The following CCDC81 variants were observed in gnomAD, a reference collection of about 807,000 sequenced individuals.
The protein encoded by CCDC81 is coiled-coil domain-containing protein 81.
CCDC81 carries 79 observed loss-of-function variants against 83.7 expected under a neutral mutation model. The ratio of observed to expected loss-of-function variants is 0.94; its 90% CI spans 0.79 to 1.14. The LOEUF (loss-of-function observed/expected upper bound fraction) is 1.14, where lower values mean the gene tolerates loss of function less well. Ranked by LOEUF, CCDC81 falls within the 50% of genes most tolerant of loss-of-function variation. The pLI is 0.00. For synonymous variants in CCDC81, 252 were observed against 278.1 expected, an observed-to-expected ratio of 0.91 and a Z score of 0.93; for missense variants, 791 against 778.1, an observed-to-expected ratio of 1.02 and a Z score of -0.20.
At chr11:86,402,524 T>C (rs927429517) in intron 7 of CCDC81, among the ~76,000 whole-genome samples, 2 of 151,000 alleles carry the variant, frequency 1.3e-5, no homozygotes, top group African/African-American at 4.9e-5. Context: ...GATATTTAGA[T>C]GGCTTCCAGT....
In CCDC81 at chr11:86,422,618, G is replaced by C. The variant is rs141550907; in HGVS notation, c.1862G>C (p.Arg621Pro). ...LFLLDQCEKY[R>P]RCKQCQRRTS... ...CTCCTAGACCAGTGTGAGAAGTATC[G>C]GCGCTGCAAGCAATGCCAGAGGCGC... is the stretch of plus-strand genomic sequence containing the variant. Residue 621 changes from arginine (R) to proline (P), a missense_variant, in exon 15 of 15, where the codon CGG becomes CCG. Arg to Pro is a moderately radical substitution (Grantham distance 103). Coordinates refer to ENST00000445632, the MANE Select transcript of CCDC81 (RefSeq NM_001156474.2). The C allele has an allele frequency of 5.5e-5, 89 of 1,613,804 alleles. No homozygotes were observed. Among genetic ancestry groups the C allele is most frequent in the Non-Finnish European group, 7.1e-5 (84 of 1,179,902 alleles).
intron 1 of CCDC81, among the ~76,000 whole-genome samples, chr11:86,380,767 C>T (rs1359110802): frequency 1.3e-5 from 2 of 152,138 alleles, no homozygotes; most frequent in East Asian, 1.9e-4. Context: ...TTTTTAGTTG[C>T]TAGCATTTAT....
At position 86,422,736 on chromosome 11, in the gene CCDC81, G is replaced by C. The variant is rs188235561; in HGVS notation, c.*21G>C. 1.8e-5 allele frequency: 29 copies of C among 1,606,800 alleles called. No homozygotes were observed. In the Admixed American group the frequency reaches 3.5e-4, roughly 20 times the overall value. On this transcript the variant is annotated 3_prime_UTR_variant, in exon 15 of 15. Transcript: ENST00000445632. ...TGTAAAACTCAAAGTTTGGCTCTTC[G>C]TTTCCCGGGGAAAGTTTTTATCTTT...
rs199836395 is a variant in CCDC81 at position 86,394,688 on chromosome 11, TGTAA to T, written c.556-643_556-640del. Reference sequence around the variant, plus strand: ...TTTGGGAATTCACTTCAAAGGCTTTTGTAAGTGATAGCATTCATGCAAAAATAAT... The same window carrying T: ...TTTGGGAATTCACTTCAAAGGCTTTTGTGATAGCATTCATGCAAAAATAAT... On this transcript the variant is annotated intron_variant, in intron 4 of 14. Coordinates refer to ENST00000445632, the MANE Select transcript of CCDC81 (RefSeq NM_001156474.2). 1.0e-2 allele frequency among the ~76,000 whole-genome samples: 1,522 copies of T among 152,362 alleles called. 10 individuals carry two copies. Among genetic ancestry groups the T allele is most frequent in the Middle Eastern group, 0.017 (5 of 294 alleles).
chr11:86,407,183 A>G (rs1399725817), intron 7 of CCDC81, among the ~76,000 whole-genome samples: 2 of 152,182 alleles, frequency 1.3e-5, no homozygotes, highest in African/African-American at 2.4e-5. Flanking sequence ...GCACTTATTT[A>G]TCTTGTCACT....
chr11:86,422,710 G>C lies in CCDC81; in HGVS notation c.1954G>C (p.Val652Leu). 6.2e-7 allele frequency: 1 copy of C among 1,612,256 alleles called. No homozygotes were observed. Among genetic ancestry groups the C allele is most frequent in the African/African-American group, 1.3e-5 (1 of 74,986 alleles). The stretch of plus-strand genomic sequence containing the variant: ...GTTCCTGCCTGGCTCCCGGTTGCTT[G>C]TGTAAAACTCAAAGTTTGGCTCTTC... ...NKFLPGSRLL[V>L] The change falls in exon 15 of 15, where the codon GTG becomes CTG. Residue 652 changes from valine (V) to leucine (L), a missense_variant. By Grantham distance (32) the Val-to-Leu change is conservative. Transcript: ENST00000445632.
chr11:86,386,712 T>C (rs552155541), intron 2 of CCDC81, among the ~76,000 whole-genome samples: 1 of 152,202 alleles, frequency 6.6e-6, no homozygotes, highest in African/African-American at 2.4e-5. Context: ...ATTTATTTTG[T>C]TTTGTTTGAG....
At chr11:86,400,878 T>A in intron 7 of CCDC81, 77 bp downstream of exon 7, 1 of 1,382,758 alleles carries the variant, frequency 7.2e-7, no homozygotes, top group Non-Finnish European at 9.9e-7. Flanking sequence ...CGGGGAACTG[T>A]AATTGTTCAT....
intron 6 of CCDC81, among the ~76,000 whole-genome samples, chr11:86,399,160 A>G (rs1431446019): frequency 6.6e-6 from 1 of 152,208 alleles, no homozygotes; most frequent in Admixed American, 6.5e-5. Context: ...CAAACAAAAC[A>G]TACCAATGGG....
chr11:86,404,177 C>G (rs543870645), intron 7 of CCDC81, among the ~76,000 whole-genome samples: 1 of 152,104 alleles, frequency 6.6e-6, no homozygotes, highest in African/African-American at 2.4e-5. Flanking sequence ...TTAAATCAAA[C>G]CTTTAGGGAA....
chr11:86,412,250 A>C, intron 10 of CCDC81, 137 bp from the exon 11 acceptor site: 1 of 659,198 alleles, frequency 1.5e-6, no homozygotes, highest in Non-Finnish European at 2.5e-6. Context: ...TTACCTCAAC[A>C]CCAGCTGGTC....
At chr11:86,390,840 C>T (rs192375243) in intron 3 of CCDC81, among the ~76,000 whole-genome samples, 30 of 152,026 alleles carry the variant, frequency 2.0e-4, no homozygotes, top group African/African-American at 6.0e-4. Flanking sequence ...TTTGCTTTTG[C>T]ACATGCTGAA....
In CCDC81 at chr11:86,407,641, C is replaced by T. The variant is rs61736174; in HGVS notation, c.909C>T (p.His303=). Residue 303 remains histidine (H), a synonymous_variant, in exon 8 of 15, where the codon CAC becomes CAT. Coordinates refer to ENST00000445632, the MANE Select transcript of CCDC81 (RefSeq NM_001156474.2). ...ESLSYPSCLK[H]DSEMKPQTSP... ...TATCATATCCAAGTTGTCTGAAACA[C>T]GACAGTGAGATGAAGCCCCAAACAT... The T allele has an allele frequency of 5.6e-6, 9 of 1,613,174 alleles. No individual in the cohort carries two copies. The highest frequency in any genetic ancestry group is 4.5e-5 in the East Asian group (2 of 44,842).
At chr11:86,410,422 A>C (rs1447001930) in intron 10 of CCDC81, among the ~76,000 whole-genome samples, 1 of 152,172 alleles carries the variant, frequency 6.6e-6, no homozygotes, top group Non-Finnish European at 1.5e-5. Flanking sequence ...TGCGATGATA[A>C]ATCTCTGAAA....
At position 86,386,098 on chromosome 11, in the gene CCDC81, T is replaced by A; in HGVS notation, c.127T>A (p.Leu43Ile). The change falls in exon 2 of 15, where the codon TTA (leucine) becomes ATA (isoleucine). Residue 43 changes from leucine to isoleucine, a missense_variant. By Grantham distance (5) the Leu-to-Ile change is conservative. Transcript: ENST00000445632. The stretch of plus-strand genomic sequence containing the variant: ...TGTATCAGAATTTGTGAGACGGCAG[T>A]TAACCCTGCACAAGGTAAGATTTAT... ...GNVSEFVRRQ[L>I]TLHKGVQIPA... is the part of the protein sequence containing the mutation. 4 of 1,470,768 alleles carry A rather than the reference T, an allele frequency of 2.7e-6. No homozygotes were observed. The highest frequency in any genetic ancestry group is 3.7e-6 in the Non-Finnish European group (4 of 1,081,828). The allele number at this position is 1,470,768 out of a possible 1,614,324, so 91.1% of individuals were successfully genotyped here. A position where few individuals can be genotyped will look rare whatever the true frequency, so the allele number is the denominator to read the frequency against.
intron 10 of CCDC81, among the ~76,000 whole-genome samples, chr11:86,410,370 G>A (rs1948625084): frequency 6.6e-6 from 1 of 152,150 alleles, no homozygotes; most frequent in Non-Finnish European, 1.5e-5. Context: ...TCTCTAGTGG[G>A]AGAGACAGAC....
At position 86,387,603 on chromosome 11, in the gene CCDC81, C is replaced by G; in HGVS notation, c.229C>G (p.Pro77Ala). 1.9e-6 allele frequency: 3 copies of G among 1,612,186 alleles called. No individual in the cohort carries two copies. Among genetic ancestry groups the G allele is most frequent in the South Asian group, 2.2e-5 (2 of 91,040 alleles). ...GNNKFILIQR[P>A]VFIMVEKLVQ... is the part of the protein sequence containing the mutation. Reference sequence around the variant, plus strand: ...CAACAAATTTATCTTAATCCAGAGGCCTGTGTTTATCATGGTGGAGAAGCT... The same window carrying G: ...CAACAAATTTATCTTAATCCAGAGGGCTGTGTTTATCATGGTGGAGAAGCT... The change falls in exon 3 of 15, where the codon CCT becomes GCT. Residue 77 changes from proline to alanine, a missense_variant. Pro to Ala is a conservative substitution (Grantham distance 27). Transcript: ENST00000445632.
intron 8 of CCDC81, 36 bp from the exon 9 acceptor site, chr11:86,408,091 G>A (rs1007308458): frequency 6.9e-6 from 11 of 1,605,124 alleles, no homozygotes; most frequent in Non-Finnish European, 9.4e-6. Flanking sequence ...AAGGTAAAAT[G>A]TAAAAATTTA....
At chr11:86,422,338 AG>A (rs1948803470) in intron 14 of CCDC81, among the ~76,000 whole-genome samples, 1 of 151,878 alleles carries the variant, frequency 6.6e-6, no homozygotes, top group African/African-American at 2.4e-5. Flanking sequence ...GAGGCTGGGG[AG>A]GGGTAGGGTC....
Sources: allele counts gnomAD v4.1 joint callset (sites outside exome capture counted in the v4.1 genomes callset), GRCh38; gene constraint gnomAD v4.1.1; transcripts MANE v1.5; gene names NCBI Gene and HGNC (gene_info 2026-07-23, HGNC 2026-07-21).